Variants in ITGBL1 observed in about 807,000 individuals in gnomAD.
ITGBL1 encodes the protein integrin beta-like protein 1.
A neutral mutation model predicts 68.5 loss-of-function variants in ITGBL1; 51 were observed. That is an observed-to-expected ratio of 0.74 (90% CI 0.59 to 0.94). The LOEUF (loss-of-function observed/expected upper bound fraction) is 0.94, where lower values mean the gene tolerates loss of function less well. Among genes scored for constraint, ITGBL1 ranks in the 40% least tolerant of loss-of-function variants. The probability of loss-of-function intolerance (pLI) is 0.00; values close to 1 mark genes in which losing one functional copy is unlikely to be tolerated. For synonymous variants in ITGBL1, 209 were observed against 227.3 expected, an observed-to-expected ratio of 0.92 and a Z score of 0.72; for missense variants, 649 against 647.4, an observed-to-expected ratio of 1.00 and a Z score of -0.03.
intron 7 of ITGBL1, among the ~76,000 whole-genome samples, chr13:101,601,613 C>T (rs1368655489): frequency 2.0e-5 from 3 of 152,142 alleles, no homozygotes; most frequent in Non-Finnish European, 4.4e-5. Flanking sequence ...TTGAATGTGT[C>T]CCAGAGATTC....
chr13:101,549,398 A>G (rs1182880081), intron 2 of ITGBL1, among the ~76,000 whole-genome samples: 1 of 151,962 alleles, frequency 6.6e-6, no homozygotes, highest in African/African-American at 2.4e-5. Flanking sequence ...TATATGTCAC[A>G]AAACTTAGAA....
chr13:101,663,617 A>C (rs2033141770), intron 7 of ITGBL1, among the ~76,000 whole-genome samples: 1 of 152,174 alleles, frequency 6.6e-6, no homozygotes, highest in Non-Finnish European at 1.5e-5. Context: ...AAATTGAGGT[A>C]ATGTTCCATT....
chr13:101,599,271 T>C lies in ITGBL1; in HGVS notation c.1015+972T>C, dbSNP rs779730306. 5.3e-3 allele frequency among the ~76,000 whole-genome samples: 812 copies of C among 152,058 alleles called. 4 individuals carry two copies. Among genetic ancestry groups the C allele is most frequent in the Non-Finnish European group, 8.5e-3 (580 of 67,974 alleles). On this transcript the variant is annotated intron_variant, in intron 7 of 10. Coordinates refer to ENST00000376180, the MANE Select transcript of ITGBL1 (RefSeq NM_004791.3). ...GTCTGTTCATATCCTTTGCCCACTT[T>C]TTGATGGGGTTGTTTGTTTTTTTCT...
chr13:101,713,144 CTT>C (rs970644208), intron 9 of ITGBL1: 7 of 152,152 alleles, frequency 4.6e-5, no homozygotes, highest in African/African-American at 1.7e-4. Context: ...TTAATTTGGA[CTT>C]TGGGGATTTT....
chr13:101,509,298 C>T (rs535707428), intron 2 of ITGBL1, among the ~76,000 whole-genome samples: 20 of 152,120 alleles, frequency 1.3e-4, no homozygotes, highest in Non-Finnish European at 2.8e-4. Flanking sequence ...ATAATTCAAT[C>T]ACCTCTCACT....
chr13:101,490,097 G>A, intron 2 of ITGBL1: 1 of 794,152 alleles, frequency 1.3e-6, no homozygotes, highest in East Asian at 2.7e-5. Context: ...AACCCCCAGT[G>A]TGATGGTATT....
At chr13:101,481,085 C>CACATGCATAT (rs71121196) in intron 2 of ITGBL1, among the ~76,000 whole-genome samples, 3 of 149,006 alleles carry the variant, frequency 2.0e-5, no homozygotes. Context: ...TATATACACA[C>CACATGCATAT]ATATATATAC....
At chr13:101,588,693 T>TAA (rs3063720) in intron 6 of ITGBL1, among the ~76,000 whole-genome samples, 181 of 147,738 alleles carry the variant, frequency 1.2e-3, no homozygotes, top group South Asian at 7.1e-3. Flanking sequence ...ATTTGTCTAT[T>TAA]AAAAAAAAAA....
At chr13:101,569,315 T>A (rs2050236110) in intron 3 of ITGBL1, among the ~76,000 whole-genome samples, 1 of 152,170 alleles carries the variant, frequency 6.6e-6, no homozygotes, top group Non-Finnish European at 1.5e-5. Flanking sequence ...AGTCTAGGAT[T>A]CTAAAGATGT....
intron 6 of ITGBL1, among the ~76,000 whole-genome samples, chr13:101,592,570 T>G (rs544484450): frequency 2.0e-5 from 3 of 152,176 alleles, no homozygotes; most frequent in South Asian, 4.1e-4. Flanking sequence ...TGTCAAAATA[T>G]TCACACTACC....
At chr13:101,503,934 T>C (rs539018270) in intron 2 of ITGBL1, among the ~76,000 whole-genome samples, 9 of 152,184 alleles carry the variant, frequency 5.9e-5, no homozygotes, top group African/African-American at 2.2e-4. Flanking sequence ...TCTGGCTTTC[T>C]CTAAATCGTG....
intron 2 of ITGBL1, among the ~76,000 whole-genome samples, chr13:101,517,636 G>A (rs978522736): frequency 1.1e-4 from 17 of 152,276 alleles, no homozygotes; most frequent in African/African-American, 4.1e-4. Flanking sequence ...ATATGTAAAG[G>A]ATAAGGATCT....
At chr13:101,583,892 C>T (rs2050506857) in intron 6 of ITGBL1, among the ~76,000 whole-genome samples, 1 of 152,110 alleles carries the variant, frequency 6.6e-6, no homozygotes, top group African/African-American at 2.4e-5. Flanking sequence ...AGTCTAATTC[C>T]TCACCCAGGA....
At chr13:101,645,122 G>A (rs1376686592) in intron 7 of ITGBL1, among the ~76,000 whole-genome samples, 1 of 152,094 alleles carries the variant, frequency 6.6e-6, no homozygotes, top group East Asian at 1.9e-4. Flanking sequence ...GGCAGGTTAG[G>A]GCTGGTGTGA....
At chr13:101,635,170 G>A (rs867703107) in intron 7 of ITGBL1, among the ~76,000 whole-genome samples, 11 of 151,960 alleles carry the variant, frequency 7.2e-5, no homozygotes, top group African/African-American at 2.7e-4. Flanking sequence ...AAAAAAATTG[G>A]TTCCCTAAAT....
rs748290234 is a variant in ITGBL1 at position 101,452,865 on chromosome 13, T to C, written c.32T>C (p.Leu11Pro). 40 of 1,614,082 alleles carry C rather than the reference T, an allele frequency of 2.5e-5. No homozygotes were observed. Among genetic ancestry groups the C allele is most frequent in the African/African-American group, 4.0e-5 (3 of 74,936 alleles). MRPPGFRNFL[L>P]LASSLLFAGL... ...CCCCCAGGCTTCAGGAACTTCTTGC[T>C]GCTGGCGTCCTCCCTTCTCTTTGCT... Residue 11 changes from leucine (L) to proline (P), a missense_variant, in exon 1 of 11, where the codon CTG (leucine) becomes CCG (proline). By Grantham distance (98) the Leu-to-Pro change is moderately conservative. Coordinates refer to ENST00000376180, the MANE Select transcript of ITGBL1 (RefSeq NM_004791.3).
intron 2 of ITGBL1, among the ~76,000 whole-genome samples, chr13:101,528,841 AG>A (rs1258751500): frequency 6.6e-6 from 1 of 152,018 alleles, no homozygotes; most frequent in East Asian, 1.9e-4. Context: ...CCAATCCCAT[AG>A]TAAGATATTG....
At chr13:101,498,968 T>C (rs2048898877) in intron 2 of ITGBL1, among the ~76,000 whole-genome samples, 1 of 152,100 alleles carries the variant, frequency 6.6e-6, no homozygotes, top group Non-Finnish European at 1.5e-5. Flanking sequence ...AACCATCAGA[T>C]CTCATGAGAC....
intron 2 of ITGBL1, among the ~76,000 whole-genome samples, chr13:101,547,491 A>G (rs1242049514): frequency 6.6e-6 from 1 of 151,878 alleles, no homozygotes; most frequent in Non-Finnish European, 1.5e-5. Context: ...GGAAGTATAC[A>G]AAAAGAGTGT....
Sources: allele counts gnomAD v4.1 joint callset (sites outside exome capture counted in the v4.1 genomes callset), GRCh38; gene constraint gnomAD v4.1.1; transcripts MANE v1.5; gene names NCBI Gene and HGNC (gene_info 2026-07-23, HGNC 2026-07-21).